Variants in CDO1 observed in about 807,000 individuals in gnomAD.
The protein encoded by CDO1 is cysteine dioxygenase, type I.
CDO1 carries 19 observed loss-of-function variants against 24.5 expected under a neutral mutation model. The observed-to-expected ratio is 0.77, with a 90% CI of 0.54 to 1.14. The LOEUF (loss-of-function observed/expected upper bound fraction) is 1.14, where lower values mean the gene tolerates loss of function less well. Ranked by LOEUF, CDO1 falls within the 50% of genes most tolerant of loss-of-function variation. The pLI is 0.00. For missense variants in CDO1, 244 were observed against 244.8 expected (o/e 1.00, Z 0.02); for synonymous variants, 91 against 87.0 (o/e 1.05, Z -0.26).
At chr5:115,812,827 C>A (rs189919302) in intron 2 of CDO1, among the ~76,000 whole-genome samples, 226 of 152,054 alleles carry the variant, frequency 1.5e-3, no homozygotes, top group African/African-American at 5.2e-3. Flanking sequence ...GTGAGTGGAT[C>A]ACCTGAGGTC....
At chr5:115,816,129 C>A in intron 1 of CDO1, 99 bp downstream of exon 1, 3 of 1,274,368 alleles carry the variant, frequency 2.4e-6, no homozygotes, top group Non-Finnish European at 3.2e-6. Flanking sequence ...GCGGCCCGAG[C>A]TTCCCGAGCC....
At chr5:115,808,594 T>C (rs967011020) in intron 3 of CDO1, among the ~76,000 whole-genome samples, 5 of 152,060 alleles carry the variant, frequency 3.3e-5, no homozygotes, top group Non-Finnish European at 7.4e-5. Flanking sequence ...TGAGAGAATG[T>C]AAGCCTTACA....
Position 115,805,423 on chromosome 5 carries a change from T to C in CDO1, c.*10A>G. On this transcript the variant is annotated 3_prime_UTR_variant, in exon 5 of 5. Transcript: ENST00000250535. ...ACCTTAAAGTAAAACCTCAGAGGGT[T>C]TGGTGCCCCTTAGTTGTTCTCCAGC... is the stretch of plus-strand genomic sequence containing the variant. 3 of 1,613,660 alleles carry C rather than the reference T, an allele frequency of 1.9e-6. No homozygotes were observed. The highest frequency in any genetic ancestry group is 2.5e-6 in the Non-Finnish European group (3 of 1,179,716).
chr5:115,805,569 G>T, intron 4 of CDO1, 107 bp from the exon 5 acceptor site: 1 of 929,416 alleles, frequency 1.1e-6, no homozygotes, highest in Non-Finnish European at 1.7e-6. Flanking sequence ...AACTCAGCAA[G>T]GGCAAGGGAG....
In CDO1 at chr5:115,816,242, C is replaced by A; in HGVS notation, c.156G>T (p.Lys52Asn). ...AGCGCGCTCACCTGTACTGGTCGAA[C>A]TTGGCGTACATTGCCCACTCGGTGG... is the stretch of plus-strand genomic sequence containing the variant. ...SDPTEWAMYA[K>N]FDQYRYTRNL... The change falls in exon 1 of 5, where the codon AAG (lysine) becomes AAT (asparagine). Residue 52 changes from lysine (K) to asparagine (N), a missense_variant. Physicochemically the swap from Lys to Asn is moderately conservative, Grantham distance 94. Transcript: ENST00000250535. The A allele has an allele frequency of 6.2e-7, 1 of 1,614,198 alleles. No individual in the cohort carries two copies. The highest frequency in any genetic ancestry group is 8.5e-7 in the Non-Finnish European group (1 of 1,180,022).
intron 1 of CDO1, among the ~76,000 whole-genome samples, chr5:115,815,783 G>A (rs60326315): frequency 1.1e-4 from 16 of 152,102 alleles, no homozygotes; most frequent in African/African-American, 3.4e-4. Context: ...CCGGCCAGAC[G>A]GTTCCTTAAG....
Position 115,816,625 on chromosome 5 carries a change from G to A in CDO1, c.-228C>T. ...GCGCAGTGGATCCGGGATCGCTGGA[G>A]ACGCGGTGCACACACAAATCAGGTT... On this transcript the variant is annotated 5_prime_UTR_variant, in exon 1 of 5. Transcript: ENST00000250535. The A allele has an allele frequency of 1.8e-6, 1 of 560,544 alleles. No homozygotes were observed. The highest frequency in any genetic ancestry group is 3.2e-6 in the Non-Finnish European group (1 of 311,748). 34.7% of individuals were successfully genotyped at this position (560,544 alleles called of 1,614,324 possible).
intron 3 of CDO1, chr5:115,809,513 C>A (rs963454987): frequency 6.6e-6 from 1 of 152,178 alleles, no homozygotes; most frequent in African/African-American, 2.4e-5. Flanking sequence ...CTTGCAGGCC[C>A]ATACCCTGAG....
chr5:115,813,506 G>T (rs1373767800), intron 1 of CDO1, among the ~76,000 whole-genome samples: 1 of 152,074 alleles, frequency 6.6e-6, no homozygotes, highest in Non-Finnish European at 1.5e-5. Context: ...AAAAATAACA[G>T]GAAAAAAACC....
At chr5:115,805,664 T>C (rs1759916826) in intron 4 of CDO1, among the ~76,000 whole-genome samples, 1 of 152,212 alleles carries the variant, frequency 6.6e-6, no homozygotes, top group East Asian at 1.9e-4. Context: ...AATGAGAAAA[T>C]TCTGCCCTGG....
rs184209106 is a variant in CDO1 at position 115,811,803 on chromosome 5, G to A, written c.249-488C>T. On this transcript the variant is annotated intron_variant, in intron 2 of 4. Transcript: ENST00000250535. Reference sequence around the variant, plus strand: ...GCTTTTGTCTTTTCTCCTTCCTTTGGGGAGCTGTGGGAGAGAAGGTATCTA... The same window carrying A: ...GCTTTTGTCTTTTCTCCTTCCTTTGAGGAGCTGTGGGAGAGAAGGTATCTA... Among the ~76,000 whole-genome samples, 12 of 152,112 alleles carry A rather than the reference G, an allele frequency of 7.9e-5. No individual in the cohort carries two copies. The East Asian group carries it at 2.3e-3, about 29-fold the overall frequency.
chr5:115,806,059 T>C (rs952851769), intron 4 of CDO1, among the ~76,000 whole-genome samples: 14 of 152,210 alleles, frequency 9.2e-5, no homozygotes, highest in Non-Finnish European at 1.8e-4. Flanking sequence ...GCATAGTAAG[T>C]CATGGCAGTA....
chr5:115,807,929 A>C (rs137949897), intron 3 of CDO1, among the ~76,000 whole-genome samples: 226 of 152,258 alleles, frequency 1.5e-3, no homozygotes, highest in African/African-American at 5.2e-3. Context: ...AAAAGTTTCT[A>C]GAAAGAAAAT....
intron 3 of CDO1, 147 bp from the exon 4 acceptor site, chr5:115,806,665 G>T: frequency 1.6e-6 from 1 of 638,560 alleles, no homozygotes; most frequent in South Asian, 2.1e-5. Flanking sequence ...GTTAAAGATA[G>T]TAAGTGACAC....
chr5:115,812,150 T>TA (rs1760216323), intron 2 of CDO1, among the ~76,000 whole-genome samples: 1 of 152,208 alleles, frequency 6.6e-6, no homozygotes, highest in African/African-American at 2.4e-5. Flanking sequence ...ACTCTGGACA[T>TA]AATGTGCTTT....
In CDO1 at chr5:115,805,399, C is replaced by A. The variant is rs4921029; in HGVS notation, c.*34G>T. Reference sequence around the variant, plus strand: ...TTGTCCAAGGCAAACATACAGCGAACCTTAAAGTAAAACCTCAGAGGGTTT... The same window carrying A: ...TTGTCCAAGGCAAACATACAGCGAAACTTAAAGTAAAACCTCAGAGGGTTT... On this transcript the variant is annotated 3_prime_UTR_variant, in exon 5 of 5. Coordinates refer to ENST00000250535, the MANE Select transcript of CDO1 (RefSeq NM_001801.3). 12,567 of 1,607,250 alleles carry A rather than the reference C, an allele frequency of 7.8e-3. 775 individuals carry two copies. The African/African-American group carries it at 0.14, about 18-fold the overall frequency.
At chr5:115,815,633 A>C (rs1264207243) in intron 1 of CDO1, among the ~76,000 whole-genome samples, 2 of 152,234 alleles carry the variant, frequency 1.3e-5, no homozygotes, top group Non-Finnish European at 2.9e-5. Flanking sequence ...ATGAGTAAAA[A>C]TGCTTGCTAT....
chr5:115,816,577 G>C lies in CDO1; in HGVS notation c.-180C>G, dbSNP rs1313390339. On this transcript the variant is annotated 5_prime_UTR_variant, in exon 1 of 5. Coordinates refer to ENST00000250535, the MANE Select transcript of CDO1 (RefSeq NM_001801.3). The stretch of plus-strand genomic sequence containing the variant: ...GGATGTCGTCGCAGAGACAGCAAGA[G>C]ACCCACCCCCAGGCCCCTGGCAGCG... 14 of 660,316 alleles carry C rather than the reference G, an allele frequency of 2.1e-5. No homozygotes were observed. The highest frequency in any genetic ancestry group is 2.8e-5 in the Admixed American group (1 of 35,160). 40.9% of individuals were successfully genotyped at this position (660,316 alleles called of 1,614,324 possible).
chr5:115,805,571 G>T, intron 4 of CDO1, 109 bp from the exon 5 acceptor site: 1 of 918,546 alleles, frequency 1.1e-6, no homozygotes. Context: ...CTCAGCAAGG[G>T]CAAGGGAGCC....
Sources: allele counts gnomAD v4.1 joint callset (sites outside exome capture counted in the v4.1 genomes callset), GRCh38; gene constraint gnomAD v4.1.1; transcripts MANE v1.5; gene names NCBI Gene and HGNC (gene_info 2026-07-23, HGNC 2026-07-21).